Variants in RNF139 observed in about 807,000 individuals in gnomAD.
RNF139 encodes the protein E3 ubiquitin-protein ligase RNF139.
A neutral mutation model predicts 49.5 loss-of-function variants in RNF139; 15 were observed. The ratio of observed to expected loss-of-function variants is 0.30; its 90% CI spans 0.20 to 0.47. RNF139 has a LOEUF of 0.47. Among genes scored for constraint, RNF139 ranks in the 20% least tolerant of loss-of-function variants. The pLI, the probability that RNF139 is intolerant of heterozygous loss-of-function variation, is 1.00. For missense variants in RNF139, 619 were observed against 806.3 expected (o/e 0.77, Z 2.81); for synonymous variants, 325 against 300.9 (o/e 1.08, Z -0.83).
At position 124,488,444 on chromosome 8, in the gene RNF139, C is replaced by A; in HGVS notation, c.*800C>A. ...ATAAAAACATCCTGATCTGATTTTA[C>A]GAGAAAAAGAAGGGGAATGGTGGGG... is the stretch of plus-strand genomic sequence containing the variant. On this transcript the variant is annotated 3_prime_UTR_variant, in exon 2 of 2. Transcript: ENST00000303545. The A allele has an allele frequency of 2.1e-6, 1 of 473,596 alleles. No individual in the cohort carries two copies. The highest frequency in any genetic ancestry group is 4.4e-5 in the South Asian group (1 of 22,938). 29.3% of individuals were successfully genotyped at this position (473,596 alleles called of 1,614,324 possible). A position where few individuals can be genotyped will look rare whatever the true frequency, so the allele number is the denominator to read the frequency against.
At chr8:124,478,891 T>C (rs1757906238) in intron 1 of RNF139, among the ~76,000 whole-genome samples, 1 of 148,322 alleles carries the variant, frequency 6.7e-6, no homozygotes, top group Admixed American at 6.8e-5. Context: ...CCCGGCAAAT[T>C]TTTTTCTATT....
At position 124,487,812 on chromosome 8, in the gene RNF139, TTTAA is replaced by T. The variant is rs1816567588; in HGVS notation, c.*172_*175del. 3.3e-6 allele frequency: 2 copies of T among 613,754 alleles called. No homozygotes were observed. The highest frequency in any genetic ancestry group is 1.8e-5 in the African/African-American group (1 of 54,232). 38.0% of individuals were successfully genotyped at this position (613,754 alleles called of 1,614,324 possible). On this transcript the variant is annotated 3_prime_UTR_variant, in exon 2 of 2. Transcript: ENST00000303545. ...TGATGTGCTACTGTAAATATACCTC[TTTAA>T]TTACTTCTGGTCTCTTTGGTGACCT...
intron 1 of RNF139, among the ~76,000 whole-genome samples, chr8:124,482,196 A>T (rs1430749772): frequency 3.9e-5 from 6 of 152,104 alleles, no homozygotes; most frequent in Admixed American, 6.5e-5. Context: ...TTTTTCTTTG[A>T]TACATTTGCA....
chr8:124,487,531 G>T lies in RNF139; in HGVS notation c.1882G>T (p.Glu628Ter), dbSNP rs780816498. 1 of 1,614,102 alleles carries T rather than the reference G, an allele frequency of 6.2e-7. No homozygotes were observed. The highest frequency in any genetic ancestry group is 1.1e-5 in the South Asian group (1 of 91,084). ...AGAAGCTGCTGCTGAATCTGACAGG[G>T]AATTGAACGAAGATGACAGTACAGA... ...VREAAAESDR[E>*]LNEDDSTDCD... Residue 628 changes from glutamate (E) to a stop codon, truncating the protein, a stop_gained, in exon 2 of 2, where the codon GAA (glutamate) becomes TAA (stop). Transcript: ENST00000303545. LOFTEE classifies it high-confidence loss of function.
intron 1 of RNF139, among the ~76,000 whole-genome samples, chr8:124,482,939 A>ATAT (rs1563630936): frequency 3.5e-4 from 31 of 89,572 alleles, no homozygotes; most frequent in Non-Finnish European, 6.4e-4. Context: ...AAAATATAAA[A>ATAT]AAAAATATAT....
At chr8:124,480,789 C>CTTTGGAGA (rs1563630333) in intron 1 of RNF139, among the ~76,000 whole-genome samples, 1 of 152,164 alleles carries the variant, frequency 6.6e-6, no homozygotes, top group East Asian at 1.9e-4. Context: ...ACCTAGCCCC[C>CTTTGGAGA]ATCCTGAAGC....
chr8:124,486,778 T>G lies in RNF139; in HGVS notation c.1129T>G (p.Ser377Ala). 1 of 1,613,984 alleles carries G rather than the reference T, an allele frequency of 6.2e-7. No individual in the cohort carries two copies. The highest frequency in any genetic ancestry group is 2.2e-5 in the East Asian group (1 of 44,870). Residue 377 changes from serine to alanine, a missense_variant, in exon 2 of 2, where the codon TCT becomes GCT. This residue lies in a region of RNF139 where 530 missense variants were observed against 728.9 expected (regional missense o/e 0.73). Transcript: ENST00000303545. Reference sequence around the variant, plus strand: ...TGGAATGACAGACCCTGTATTAATGTCTCTCAGTGCCTCTCATGTGTCATC... The same window carrying G: ...TGGAATGACAGACCCTGTATTAATGGCTCTCAGTGCCTCTCATGTGTCATC... ...IHGMTDPVLM[S>A]LSASHVSSFR...
At chr8:124,484,919 GA>G (rs908884675) in intron 1 of RNF139, among the ~76,000 whole-genome samples, 4 of 151,994 alleles carry the variant, frequency 2.6e-5, no homozygotes, top group African/African-American at 7.2e-5. Context: ...AAACTAGGAG[GA>G]AAAAAAATGG....
At chr8:124,485,139 G>A (rs1243814687) in intron 1 of RNF139, among the ~76,000 whole-genome samples, 1 of 152,122 alleles carries the variant, frequency 6.6e-6, no homozygotes, top group Non-Finnish European at 1.5e-5. Context: ...CAAGGCGGGC[G>A]GATCACTTGA....
intron 1 of RNF139, among the ~76,000 whole-genome samples, chr8:124,480,676 T>C (rs186582624): frequency 1.3e-5 from 2 of 152,260 alleles, no homozygotes; most frequent in South Asian, 2.1e-4. Flanking sequence ...TCACTAGTCA[T>C]TGGTTTATGG....
intron 1 of RNF139, among the ~76,000 whole-genome samples, chr8:124,478,348 G>A (rs1357652634): frequency 2.0e-5 from 3 of 152,024 alleles, no homozygotes; most frequent in African/African-American, 7.3e-5. Context: ...CGCTTACGGT[G>A]GCTCACGCCT....
At chr8:124,482,995 A>T (rs1309227202) in intron 1 of RNF139, among the ~76,000 whole-genome samples, 30 of 101,418 alleles carry the variant, frequency 3.0e-4, no homozygotes, top group East Asian at 1.3e-3. Context: ...TATATTTAAA[A>T]ATATATATAT....
chr8:124,483,017 A>C lies in RNF139; in HGVS notation c.182-2814A>C, dbSNP rs1283261442. On this transcript the variant is annotated intron_variant, in intron 1 of 1. Coordinates refer to ENST00000303545, the MANE Select transcript of RNF139 (RefSeq NM_007218.4). ...AAAAATATATATATTAAAAATATAT[A>C]TATATATTTAAATATATATATATTT... Among the ~76,000 whole-genome samples, 76 of 99,532 alleles carry C rather than the reference A, an allele frequency of 7.6e-4. 4 individuals are homozygous for C. The highest frequency in any genetic ancestry group is 3.3e-3 in the African/African-American group (73 of 22,244). The allele number at this position is 99,532 out of a possible 152,430, so 65.3% of individuals were successfully genotyped here.
rs527962870 is a variant in RNF139 at position 124,476,245 on chromosome 8, G to A, written c.181+955G>A. 3.3e-5 allele frequency among the ~76,000 whole-genome samples: 5 copies of A among 152,268 alleles called. No individual in the cohort carries two copies. The East Asian group carries it at 9.7e-4, about 29-fold the overall frequency. On this transcript the variant is annotated intron_variant, in intron 1 of 1. Coordinates refer to ENST00000303545, the MANE Select transcript of RNF139 (RefSeq NM_007218.4). ...CTTCAAAAGAGGAGTGGCAATAAAG[G>A]CCGAATTTTGTTCTTAGCAATAAAT...
At chr8:124,482,488 A>T (rs185798263) in intron 1 of RNF139, among the ~76,000 whole-genome samples, 1 of 152,174 alleles carries the variant, frequency 6.6e-6, no homozygotes, top group Admixed American at 6.6e-5. Flanking sequence ...CCAACTTAGA[A>T]GATTTGTTTT....
rs770581918 is a variant in RNF139, at chr8:124,487,316, C to T, written c.1667C>T (p.Thr556Ile). Residue 556 changes from threonine (T) to isoleucine (I), a missense_variant, in exon 2 of 2, where the codon ACA becomes ATA. Thr to Ile is a moderately conservative substitution (Grantham distance 89, BLOSUM62 -1). Around this residue, in one of 2 missense-constraint regions of RNF139, gnomAD observed 530 missense variants for 728.9 expected, o/e 0.73. Transcript: ENST00000303545. Reference protein sequence around the residue: ...VCAICYHEFTTSARITPCNHY... With the variant: ...VCAICYHEFTISARITPCNHY... The stretch of plus-strand genomic sequence containing the variant: ...GCAATCTGCTATCATGAGTTTACAA[C>T]ATCTGCTCGTATTACACCGTGTAAT... 6.2e-6 allele frequency: 10 copies of T among 1,613,946 alleles called. No individual in the cohort carries two copies. In the African/African-American group the frequency reaches 6.7e-5, roughly 11 times the overall value.
intron 1 of RNF139, among the ~76,000 whole-genome samples, chr8:124,480,403 C>CAA (rs1563630217): frequency 1.3e-5 from 1 of 77,556 alleles, no homozygotes; most frequent in African/African-American, 6.3e-5. Context: ...GACTCCATCA[C>CAA]TAAAAAAAAA....
intron 1 of RNF139, among the ~76,000 whole-genome samples, chr8:124,476,694 G>A (rs1490020137): frequency 2.0e-5 from 3 of 152,164 alleles, no homozygotes; most frequent in Non-Finnish European, 4.4e-5. Context: ...ACTGGGCTCT[G>A]TTTGAGAGGA....
intron 1 of RNF139, among the ~76,000 whole-genome samples, chr8:124,485,468 TG>T (rs1816512324): frequency 6.6e-6 from 1 of 152,234 alleles, no homozygotes; most frequent in Non-Finnish European, 1.5e-5. Flanking sequence ...GATTATGAAA[TG>T]ATAAAAGACA....
Sources: gnomAD v4.1 joint callset for allele counts (sites outside exome capture counted in the v4.1 genomes callset) on GRCh38, gnomAD v4.1.1 for gene constraint, gnomAD v4.1.1 regional missense constraint, MANE v1.5 for transcripts, NCBI Gene and HGNC (gene_info 2026-07-23, HGNC 2026-07-21) for gene names.